STK25: variants seen among roughly 807,000 people sequenced by gnomAD.
STK25 encodes the protein serine/threonine kinase 25.
STK25 carries 29 observed loss-of-function variants against 53.8 expected under a neutral mutation model. The observed-to-expected ratio is 0.54, with a 90% confidence interval of 0.40 to 0.74. The LOEUF (loss-of-function observed/expected upper bound fraction) is 0.74. Among genes scored for constraint, STK25 ranks in the 30% least tolerant of loss-of-function variants. The pLI is 0.00. For synonymous variants in STK25, 247 were observed against 238.3 expected, an observed-to-expected ratio of 1.04 and a Z score of -0.33; for missense variants, 420 against 568.0, an observed-to-expected ratio of 0.74 and a Z score of 2.65.
At chr2:241,507,722 C>T (rs1040785015) in intron 2 of STK25, among the ~76,000 whole-genome samples, 1 of 152,244 alleles carries the variant, frequency 6.6e-6, no homozygotes, top group Non-Finnish European at 1.5e-5. Flanking sequence ...GTCCCTGCGC[C>T]GGTGTCTCTT....
rs1574928569 is a variant in STK25 at position 241,494,807 on chromosome 2, C to T, written c.*855G>A. On this transcript the variant is annotated 3_prime_UTR_variant, in exon 12 of 12. Coordinates refer to ENST00000316586, the MANE Select transcript of STK25 (RefSeq NM_001271977.2). This position sits in a 1 kb window ranked among gnomAD's most constrained non-coding sequence, Gnocchi z 4.9. ...GATGGGCGACTGCTTTGTTCACACACATTTGATTAAAAATAAACAAACAGC... is the reference window on the plus strand; with the variant it reads ...GATGGGCGACTGCTTTGTTCACACATATTTGATTAAAAATAAACAAACAGC... 2.6e-5 allele frequency: 4 copies of T among 152,356 alleles called. No homozygotes were observed. Among genetic ancestry groups the T allele is most frequent in the African/African-American group, 9.6e-5 (4 of 41,566 alleles). 9.4% of individuals were successfully genotyped at this position (152,356 alleles called of 1,614,324 possible).
In STK25 at chr2:241,496,845, A is replaced by G. The variant is rs113462506; in HGVS notation, c.1105-311T>C. 7.5e-4 allele frequency among the ~76,000 whole-genome samples: 114 copies of G among 152,266 alleles called. No individual in the cohort carries two copies. The highest frequency in any genetic ancestry group is 2.1e-3 in the African/African-American group (86 of 41,550). ...AGCCGAGGGTCATGGAAGCCACTCA[A>G]TGGGTCTAATCAGACCCAAAAACAC... On this transcript the variant is annotated intron_variant, in intron 10 of 11. Coordinates refer to ENST00000316586, the MANE Select transcript of STK25 (RefSeq NM_001271977.2). The surrounding 1 kb of genome is among the most constrained non-coding windows in gnomAD (Gnocchi z 5.8).
intron 8 of STK25, 91 bp downstream of exon 8, chr2:241,498,548 T>C (rs1354830027): frequency 1.3e-6 from 2 of 1,488,746 alleles, no homozygotes; most frequent in South Asian, 1.3e-5. Context: ...CTGGTCACCC[T>C]CACCCCCAGG....
rs2065091125 is a variant in STK25 at position 241,495,398 on chromosome 2, G to A, written c.*264C>T. 2 of 486,912 alleles carry A rather than the reference G, an allele frequency of 4.1e-6. No individual in the cohort carries two copies. The highest frequency in any genetic ancestry group is 3.4e-5 in the Admixed American group (1 of 29,394). The allele number at this position is 486,912 out of a possible 1,614,324, so 30.2% of individuals were successfully genotyped here. On this transcript the variant is annotated 3_prime_UTR_variant, in exon 12 of 12. Transcript: ENST00000316586. ...GCTCATGAGGGCCACGCCGGCGGCT[G>A]GAGCCCCCGTGAGCAATACTGCTGG... is the stretch of plus-strand genomic sequence containing the variant.
At chr2:241,507,451 C>A (rs1462495722) in intron 2 of STK25, among the ~76,000 whole-genome samples, 1 of 152,224 alleles carries the variant, frequency 6.6e-6, no homozygotes, top group Non-Finnish European at 1.5e-5. Flanking sequence ...TTAAACGGTC[C>A]TGACAGAGCA....
Position 241,498,300 on chromosome 2 carries a change from G to C in STK25, c.967C>G (p.Pro323Ala), listed in dbSNP as rs755920494. The C allele has an allele frequency of 4.4e-5, 71 of 1,607,558 alleles. No individual in the cohort carries two copies. The highest frequency in any genetic ancestry group is 2.7e-4 in the East Asian group (12 of 44,628). The stretch of plus-strand genomic sequence containing the variant: ...CTGTGTGGACTCGGCCGGATGGTAG[G>C]GGGGAACGTCCAGATGGGGCCCTGC... Reference protein sequence around the residue: ...GEQGPIWTFPPTIRPSPHSKL... With the variant: ...GEQGPIWTFPATIRPSPHSKL... The change falls in exon 9 of 12, where the codon CCT becomes GCT. Residue 323 changes from proline (P) to alanine (A), a missense_variant. Coordinates refer to ENST00000316586, the MANE Select transcript of STK25 (RefSeq NM_001271977.2).
upstream of STK25, chr2:241,508,817 G>A (rs1201245048): frequency 2.2e-6 from 2 of 915,994 alleles, no homozygotes; most frequent in Non-Finnish European, 1.3e-6. Context: ...CGCGCGCCTG[G>A]GCGGGCGGGG....
chr2:241,506,762 C>G (rs1011445722), intron 2 of STK25, among the ~76,000 whole-genome samples: 1 of 151,996 alleles, frequency 6.6e-6, no homozygotes, highest in African/African-American at 2.4e-5. Flanking sequence ...AGCGAAACTC[C>G]GTCTCAAAAA....
intron 8 of STK25, 128 bp from the exon 9 acceptor site, chr2:241,498,477 A>G: frequency 8.1e-7 from 1 of 1,238,074 alleles, no homozygotes; most frequent in Non-Finnish European, 1.1e-6. Context: ...CACGGGGTCC[A>G]GCTGATGCCT....
At chr2:241,504,915 T>C (rs988485523) in intron 2 of STK25, among the ~76,000 whole-genome samples, 1 of 140,588 alleles carries the variant, frequency 7.1e-6, no homozygotes, top group African/African-American at 2.6e-5. Flanking sequence ...GCAGCCCCTC[T>C]TCTTTTTCTT....
chr2:241,498,164 T>A, intron 9 of STK25, 71 bp downstream of exon 9: 1 of 1,418,068 alleles, frequency 7.1e-7, no homozygotes. Context: ...TGGACAAAGC[T>A]GGGTCCCGCA....
rs762882207 is a variant in STK25 at position 241,492,954 on chromosome 2, G to A, written c.*2708C>T. On this transcript the variant is annotated 3_prime_UTR_variant, in exon 12 of 12. Transcript: ENST00000316586. ...AACCAGCTTTCAGGATATCTGCTAAGAAAGTTCAAAAACAGTCATGGCTGG... is the reference window on the plus strand; with the variant it reads ...AACCAGCTTTCAGGATATCTGCTAAAAAAGTTCAAAAACAGTCATGGCTGG... 2 of 1,612,012 alleles carry A rather than the reference G, an allele frequency of 1.2e-6. No homozygotes were observed. Among genetic ancestry groups the A allele is most frequent in the South Asian group, 1.1e-5 (1 of 91,046 alleles).
At chr2:241,498,505 C>T in intron 8 of STK25, 134 bp downstream of exon 8, 1 of 1,312,342 alleles carries the variant, frequency 7.6e-7, no homozygotes. Flanking sequence ...CCCTGTCCTG[C>T]AGCCTTGAGG....
chr2:241,493,823 C>T lies in STK25; in HGVS notation c.*1839G>A. The T allele has an allele frequency of 1.9e-6, 1 of 533,132 alleles. No individual in the cohort carries two copies. The highest frequency in any genetic ancestry group is 3.4e-6 in the Non-Finnish European group (1 of 297,194). The allele number at this position is 533,132 out of a possible 1,614,324, so 33.0% of individuals were successfully genotyped here. On this transcript the variant is annotated 3_prime_UTR_variant, in exon 12 of 12. Coordinates refer to ENST00000316586, the MANE Select transcript of STK25 (RefSeq NM_001271977.2). Reference sequence around the variant, plus strand: ...TGTTGGCCAGGCTGGTCTCGAACTCCTGACCTCAAGTGATCCATCTGCCTC... The same window carrying T: ...TGTTGGCCAGGCTGGTCTCGAACTCTTGACCTCAAGTGATCCATCTGCCTC...
intron 2 of STK25, among the ~76,000 whole-genome samples, chr2:241,502,962 G>A (rs2065600876): frequency 1.3e-5 from 2 of 152,304 alleles, no homozygotes; most frequent in Middle Eastern, 3.4e-3. Flanking sequence ...AAGAAGCAAT[G>A]CCTAAAAGTT....
rs1037458828 is a variant in STK25 at position 241,493,213 on chromosome 2, C to T, written c.*2449G>A. 8 of 1,495,286 alleles carry T rather than the reference C, an allele frequency of 5.4e-6. No individual in the cohort carries two copies. The highest frequency in any genetic ancestry group is 2.3e-5 in the East Asian group (1 of 44,008). The allele number at this position is 1,495,286 out of a possible 1,614,324, so 92.6% of individuals were successfully genotyped here. ...GCCCGTGGGCATTTGTACGTGCCACCGTTGTGCAGGTAGCAGAGGAATGGG... is the reference window on the plus strand; with the variant it reads ...GCCCGTGGGCATTTGTACGTGCCACTGTTGTGCAGGTAGCAGAGGAATGGG... On this transcript the variant is annotated 3_prime_UTR_variant, in exon 12 of 12. Transcript: ENST00000316586.
intron 2 of STK25, among the ~76,000 whole-genome samples, chr2:241,503,017 C>T (rs966174338): frequency 1.2e-4 from 18 of 152,170 alleles, no homozygotes; most frequent in Admixed American, 4.6e-4. Flanking sequence ...GTGGCCCAGG[C>T]CCAGAGTCCA....
chr2:241,508,749 G>A, upstream of STK25: 4 of 985,316 alleles, frequency 4.1e-6, no homozygotes, highest in Non-Finnish European at 4.8e-6. Flanking sequence ...GCGCCGCGAG[G>A]CTCTCTGGGA....
chr2:241,500,646 C>A (rs992467633), intron 4 of STK25, 94 bp downstream of exon 4: 2 of 1,296,632 alleles, frequency 1.5e-6, no homozygotes, highest in Non-Finnish European at 1.1e-6. Flanking sequence ...CGTGCCATGA[C>A]ACCAAACGAG....
Sources: allele counts gnomAD v4.1 joint callset (sites outside exome capture counted in the v4.1 genomes callset), GRCh38; gene constraint gnomAD v4.1.1; non-coding constraint Gnocchi (gnomAD v3.1); transcripts MANE v1.5; gene names NCBI Gene and HGNC (gene_info 2026-07-23, HGNC 2026-07-21).